Variants in KPNA1 observed in about 807,000 individuals in gnomAD.
KPNA1 encodes the protein karyopherin subunit alpha 1, also known as importin subunit alpha-5.
In KPNA1, 10 loss-of-function variants were observed where a neutral mutation model predicts 70.5. The observed-to-expected ratio is 0.14, with a 90% CI of 0.09 to 0.24. The LOEUF is 0.24. KPNA1 is among the 10% of genes least tolerant of loss of function. The pLI is 1.00. For synonymous variants in KPNA1, 192 were observed against 221.9 expected, an observed-to-expected ratio of 0.87 and a Z score of 1.20; for missense variants, 397 against 637.9, an observed-to-expected ratio of 0.62 and a Z score of 4.07.
intron 6 of KPNA1, among the ~76,000 whole-genome samples, chr3:122,452,583 AAGGAAG>A (rs2076217541): frequency 1.3e-5 from 1 of 79,898 alleles, no homozygotes; most frequent in African/African-American, 5.3e-5. Flanking sequence ...GGAAGGAAGG[AAGGAAG>A]GAAGGAAGGA....
At chr3:122,428,167 A>T (rs1376424098) in intron 12 of KPNA1, among the ~76,000 whole-genome samples, 1 of 152,236 alleles carries the variant, frequency 6.6e-6, no homozygotes, top group African/African-American at 2.4e-5. Flanking sequence ...GGGAAGAATA[A>T]ACAAATGTCA....
At position 122,452,011 on chromosome 3, in the gene KPNA1, A is replaced by G; in HGVS notation, c.618T>C (p.Tyr206=). 1 of 1,610,568 alleles carries G rather than the reference A, an allele frequency of 6.2e-7. No individual in the cohort carries two copies. Residue 206 remains tyrosine (Y), a synonymous_variant, in exon 7 of 14, where the codon TAT becomes TAC. Transcript: ENST00000344337. ...GGGGAAGGATATTGCAGTCTAAGAC[A>G]TAGTCCCTGCACATGGTACTATCTC... ...IAGDSTMCRD[Y]VLDCNILPPL...
chr3:122,507,124 C>T (rs1433569828), intron 1 of KPNA1, among the ~76,000 whole-genome samples: 1 of 152,108 alleles, frequency 6.6e-6, no homozygotes, highest in Non-Finnish European at 1.5e-5. Flanking sequence ...TCTATACTTT[C>T]GAAAAATATT....
chr3:122,507,818 T>TA lies in KPNA1; in HGVS notation c.-6+6938dup, dbSNP rs540710984. Among the ~76,000 whole-genome samples the TA allele has an allele frequency of 1.3e-3, 202 of 152,062 alleles. 1 individual carries two copies. In the Middle Eastern group the frequency reaches 0.02, roughly 15 times the overall value. On this transcript the variant is annotated intron_variant, in intron 1 of 13. Transcript: ENST00000344337. ...CATAAAGGGTTCGTTCCCTCAGTAG[T>TA]AAAAAAATTTTTAATCGCAAAAACT... is the stretch of plus-strand genomic sequence containing the variant.
At chr3:122,461,423 A>C in intron 4 of KPNA1, 105 bp from the exon 5 acceptor site, 6 of 682,224 alleles carry the variant, frequency 8.8e-6, no homozygotes, top group Non-Finnish European at 1.3e-5. Flanking sequence ...ACCATCTCTC[A>C]TGCTGGAAAT....
At chr3:122,452,296 C>T (rs1286843406) in intron 6 of KPNA1, among the ~76,000 whole-genome samples, 2 of 151,858 alleles carry the variant, frequency 1.3e-5, no homozygotes, top group Non-Finnish European at 2.9e-5. Flanking sequence ...GATACAGAAT[C>T]TCGCTCTGTC....
At chr3:122,501,008 C>T (rs2076822756) in intron 1 of KPNA1, among the ~76,000 whole-genome samples, 1 of 145,532 alleles carries the variant, frequency 6.9e-6, no homozygotes, top group African/African-American at 2.5e-5. Flanking sequence ...GATTTGAGAT[C>T]TTTCTTCTTT....
chr3:122,427,360 G>A (rs2075836139), intron 13 of KPNA1, 178 bp downstream of exon 13: 1 of 741,408 alleles, frequency 1.3e-6, no homozygotes. Flanking sequence ...CTGAAAGCTA[G>A]TATTATAAAC....
At chr3:122,437,611 A>G (rs2076006180) in intron 10 of KPNA1, among the ~76,000 whole-genome samples, 1 of 152,226 alleles carries the variant, frequency 6.6e-6, no homozygotes, top group Non-Finnish European at 1.5e-5. Context: ...GGGTAAATAT[A>G]TCAAGTGGCC....
At chr3:122,480,646 C>T (rs1302923937) in intron 2 of KPNA1, among the ~76,000 whole-genome samples, 1 of 150,110 alleles carries the variant, frequency 6.7e-6, no homozygotes, top group Non-Finnish European at 1.5e-5. Flanking sequence ...TAATGTGGTA[C>T]AATTTTTTTT....
intron 7 of KPNA1, 143 bp from the exon 8 acceptor site, chr3:122,451,776 G>T: frequency 1.4e-6 from 1 of 702,140 alleles, no homozygotes; most frequent in Non-Finnish European, 2.4e-6. Context: ...TAATTCTGAT[G>T]CAAGTAATTC....
chr3:122,440,253 A>T (rs958730367), intron 10 of KPNA1, among the ~76,000 whole-genome samples: 1 of 151,920 alleles, frequency 6.6e-6, no homozygotes. Context: ...TAAGTACCTA[A>T]CTTAAGAGTT....
intron 9 of KPNA1, among the ~76,000 whole-genome samples, chr3:122,445,716 A>G (rs1276347380): frequency 6.6e-6 from 1 of 152,202 alleles, no homozygotes; most frequent in Non-Finnish European, 1.5e-5. Context: ...ATTAAAAGAC[A>G]CAGACTGGCA....
chr3:122,438,903 CA>C (rs1322027314), intron 10 of KPNA1, among the ~76,000 whole-genome samples: 4 of 151,968 alleles, frequency 2.6e-5, no homozygotes, highest in African/African-American at 9.7e-5. Context: ...GTTTTCATGT[CA>C]AAAATCGTAA....
In KPNA1 at chr3:122,426,780, C is replaced by CT. The variant is rs2075828832; in HGVS notation, c.*204dup. On this transcript the variant is annotated 3_prime_UTR_variant, in exon 14 of 14. Coordinates refer to ENST00000344337, the MANE Select transcript of KPNA1 (RefSeq NM_002264.4). ...AAGAGAGTGGGCCGTTCTGGTTACC[C>CT]TTTTATTAGAAGGGTATTCCACCAC... The CT allele has an allele frequency of 4.2e-6, 2 of 474,160 alleles. No homozygotes were observed. Among genetic ancestry groups the CT allele is most frequent in the South Asian group, 8.6e-5 (2 of 23,350 alleles). 29.4% of individuals were successfully genotyped at this position (474,160 alleles called of 1,614,324 possible).
In KPNA1 at chr3:122,438,390, G is replaced by GTTT. The variant is rs762256049; in HGVS notation, c.997-1098_997-1096dup. Among the ~76,000 whole-genome samples, 864 of 138,778 alleles carry GTTT rather than the reference G, an allele frequency of 6.2e-3. 3 individuals carry two copies. Among genetic ancestry groups the GTTT allele is most frequent in the African/African-American group, 0.022 (824 of 38,298 alleles). The allele number at this position is 138,778 out of a possible 152,430, so 91.0% of individuals were successfully genotyped here. ...ACTCAGTCTTCGGTATTTCTTTTTT[G>GTTT]TTTTTTTTTTTTTGAGACAGAGTTT... On this transcript the variant is annotated intron_variant, in intron 10 of 13. Transcript: ENST00000344337.
At chr3:122,476,868 A>AAAAAAAAAAAAAAAAAC in intron 2 of KPNA1, among the ~76,000 whole-genome samples, 1 of 149,468 alleles carries the variant, frequency 6.7e-6, no homozygotes, top group Non-Finnish European at 1.5e-5. Flanking sequence ...CCACAAAAAA[A>AAAAAAAAAAAAAAAAAC]AAAAAAAAAA....
intron 1 of KPNA1, among the ~76,000 whole-genome samples, chr3:122,498,386 A>G (rs1351951629): frequency 1.3e-5 from 2 of 152,220 alleles, no homozygotes; most frequent in African/African-American, 4.8e-5. Context: ...TAAACAAGGA[A>G]GCAGGCTCTC....
Position 122,496,537 on chromosome 3 carries a change from C to T in KPNA1, c.29G>A (p.Arg10His). The T allele has an allele frequency of 6.2e-6, 10 of 1,613,652 alleles. 1 individual carries two copies. Among genetic ancestry groups the T allele is most frequent in the Non-Finnish European group, 8.5e-6 (10 of 1,179,700 alleles). Residue 10 changes from arginine to histidine, a missense_variant, in exon 2 of 14, where the codon CGC becomes CAC. By Grantham distance (29) the Arg-to-His change is conservative. Transcript: ENST00000344337. MTTPGKENF[R>H]LKSYKNKSLN... ...AGATTTGTTCTTGTAACTTTTCAGGCGAAAGTTCTCTTTTCCTGGGGTGGT... is the reference window on the plus strand; with the variant it reads ...AGATTTGTTCTTGTAACTTTTCAGGTGAAAGTTCTCTTTTCCTGGGGTGGT...
Sources: gnomAD v4.1 joint callset for allele counts (sites outside exome capture counted in the v4.1 genomes callset) on GRCh38, gnomAD v4.1.1 for gene constraint, MANE v1.5 for transcripts, NCBI Gene and HGNC (gene_info 2026-07-23, HGNC 2026-07-21) for gene names.